GALNT13: variants seen among roughly 807,000 people sequenced by gnomAD.
GALNT13 encodes the protein polypeptide N-acetylgalactosaminyltransferase 13, also known as UDP-GalNAc:polypeptide N-acetylgalactosaminyltransferase 13.
In GALNT13, 28 loss-of-function variants were observed where a neutral mutation model predicts 64.2. The ratio of observed to expected loss-of-function variants is 0.44; its 90% CI spans 0.32 to 0.60. The LOEUF (loss-of-function observed/expected upper bound fraction) is 0.60. GALNT13 is among the 20% of genes least tolerant of loss of function. GALNT13 has a pLI of 0.05. For missense variants in GALNT13, 577 were observed against 669.8 expected (o/e 0.86, Z 1.53); for synonymous variants, 214 against 224.6 (o/e 0.95, Z 0.42).
At chr2:153,103,803 G>A in the GALNT13 span, among the ~76,000 whole-genome samples, 1 of 152,196 alleles carries the variant, frequency 6.6e-6, no homozygotes, top group Admixed American at 6.6e-5. Flanking sequence ...TTGTGTTTGG[G>A]AGGTGTTCAG....
In GALNT13 at chr2:154,386,683, GA is replaced by G. The variant is rs1698529350; in HGVS notation, c.1157-9307del. Among the ~76,000 whole-genome samples, 4 of 152,028 alleles carry G rather than the reference GA, an allele frequency of 2.6e-5. No individual in the cohort carries two copies. The South Asian group carries it at 8.3e-4, about 32-fold the overall frequency. Reference sequence around the variant, plus strand: ...TATATATTAGACTGAGTTAATTCTAGATAAAATTTTGATAGCCTGCAGACTG... The same window carrying G: ...TATATATTAGACTGAGTTAATTCTAGTAAAATTTTGATAGCCTGCAGACTG... On this transcript the variant is annotated intron_variant, in intron 9 of 12. Coordinates refer to ENST00000392825, the MANE Select transcript of GALNT13 (RefSeq NM_052917.4).
chr2:153,304,147 A>G, the GALNT13 span, among the ~76,000 whole-genome samples: 3 of 93,366 alleles, frequency 3.2e-5, no homozygotes, highest in African/African-American at 1.2e-4. Context: ...AGTAAATGTG[A>G]GCAAGAGAAC....
the GALNT13 span, among the ~76,000 whole-genome samples, chr2:153,607,735 A>G: frequency 1.3e-5 from 2 of 152,268 alleles, no homozygotes; most frequent in South Asian, 4.1e-4. Context: ...TAAACTTAAT[A>G]AACTCAGCTA....
At chr2:154,173,037 T>C (rs1685449951) in intron 4 of GALNT13, among the ~76,000 whole-genome samples, 2 of 151,728 alleles carry the variant, frequency 1.3e-5, no homozygotes, top group Admixed American at 6.6e-5. Flanking sequence ...AAAAAGAACA[T>C]GAGTAAAGCT....
chr2:154,410,975 C>T (rs953757325), intron 11 of GALNT13, among the ~76,000 whole-genome samples: 1 of 151,854 alleles, frequency 6.6e-6, no homozygotes, highest in Non-Finnish European at 1.5e-5. Flanking sequence ...GCTGGCAGTC[C>T]TATATCTTAC....
chr2:154,439,156 A>G (rs1304335222), intron 12 of GALNT13, among the ~76,000 whole-genome samples: 2 of 152,216 alleles, frequency 1.3e-5, no homozygotes, highest in Non-Finnish European at 2.9e-5. Flanking sequence ...TGACAAGATT[A>G]ACAAGATTTC....
chr2:153,640,676 G>T, the GALNT13 span, among the ~76,000 whole-genome samples: 5 of 152,110 alleles, frequency 3.3e-5, no homozygotes, highest in African/African-American at 1.2e-4. Context: ...CAGCTTCTCA[G>T]GGTGCTGAGG....
intron 1 of GALNT13, among the ~76,000 whole-genome samples, chr2:153,895,402 A>C (rs558610104): frequency 6.6e-6 from 1 of 152,264 alleles, no homozygotes; most frequent in South Asian, 2.1e-4. Flanking sequence ...AAAATGAATA[A>C]TTATTTTACT....
At chr2:154,297,173 C>G (rs1692974968) in intron 8 of GALNT13, among the ~76,000 whole-genome samples, 1 of 152,078 alleles carries the variant, frequency 6.6e-6, no homozygotes, top group South Asian at 2.1e-4. Context: ...AGGATTTAAG[C>G]AGGGAAGTAA....
intron 8 of GALNT13, among the ~76,000 whole-genome samples, chr2:154,300,414 G>A (rs1228749958): frequency 6.6e-6 from 1 of 152,020 alleles, no homozygotes; most frequent in African/African-American, 2.4e-5. Context: ...GAAATGGCCA[G>A]AAAGATATTT....
intron 9 of GALNT13, among the ~76,000 whole-genome samples, chr2:154,366,865 G>A (rs559808877): frequency 2.1e-4 from 32 of 152,194 alleles, no homozygotes; most frequent in Middle Eastern, 3.4e-3. Flanking sequence ...AATTCCAAAT[G>A]TCACTTAAGG....
the GALNT13 span, among the ~76,000 whole-genome samples, chr2:153,254,432 T>C: frequency 6.6e-6 from 1 of 152,216 alleles, no homozygotes; most frequent in Non-Finnish European, 1.5e-5. Context: ...CCTGGATTCA[T>C]TAATTTTTTG....
At chr2:153,794,122 G>T in the GALNT13 span, among the ~76,000 whole-genome samples, 1 of 152,116 alleles carries the variant, frequency 6.6e-6, no homozygotes, top group Non-Finnish European at 1.5e-5. Context: ...AGCATGGGCA[G>T]TTTTAATCTT....
At chr2:154,111,128 C>T (rs549630869) in intron 3 of GALNT13, among the ~76,000 whole-genome samples, 17 of 152,152 alleles carry the variant, frequency 1.1e-4, no homozygotes, top group East Asian at 1.9e-4. Flanking sequence ...GTCATGTGTT[C>T]GTAGGTGGTA....
At chr2:153,867,154 T>C (rs1456187286), upstream of GALNT13, among the ~76,000 whole-genome samples, 2 of 152,220 alleles carry the variant, frequency 1.3e-5, no homozygotes, top group African/African-American at 2.4e-5. Context: ...ATCTTTGTGT[T>C]ATTAGCTGGA....
At chr2:153,574,480 C>T in the GALNT13 span, among the ~76,000 whole-genome samples, 1 of 151,986 alleles carries the variant, frequency 6.6e-6, no homozygotes, top group Admixed American at 6.6e-5. Flanking sequence ...ACCTTTAAGG[C>T]CTTAAATTTG....
chr2:153,936,106 C>T (rs1690894111), intron 2 of GALNT13, among the ~76,000 whole-genome samples: 1 of 152,192 alleles, frequency 6.6e-6, no homozygotes. Context: ...TCTGTGTCTG[C>T]AGTTTCTGCA....
the GALNT13 span, among the ~76,000 whole-genome samples, chr2:153,562,054 C>CTG: frequency 3.1e-5 from 3 of 97,374 alleles, no homozygotes; most frequent in African/African-American, 1.3e-4. Flanking sequence ...CTCTCTCTCT[C>CTG]TCTCTCTGTG....
At chr2:154,157,866 T>G (rs1000882653) in intron 4 of GALNT13, among the ~76,000 whole-genome samples, 1 of 152,198 alleles carries the variant, frequency 6.6e-6, no homozygotes, top group African/African-American at 2.4e-5. Context: ...ATCTCCTTTT[T>G]GAAATAAATT....
Sources: gnomAD v4.1 joint callset for allele counts (sites outside exome capture counted in the v4.1 genomes callset) on GRCh38, gnomAD v4.1.1 for gene constraint, MANE v1.5 for transcripts, NCBI Gene and HGNC (gene_info 2026-07-23, HGNC 2026-07-21) for gene names.